The following SHROOM3 variants were observed in gnomAD, a reference collection of about 807,000 sequenced individuals.
The protein encoded by SHROOM3 is protein Shroom3.
In SHROOM3, 47 loss-of-function variants were observed where a neutral mutation model predicts 138.6. The ratio of observed to expected loss-of-function variants is 0.34; its 90% CI spans 0.27 to 0.43. SHROOM3 has a LOEUF of 0.43. Among genes scored for constraint, SHROOM3 ranks in the 20% least tolerant of loss-of-function variants. SHROOM3 has a pLI of 1.00. For synonymous variants in SHROOM3, 1,062 were observed against 1,063.3 expected (o/e 1.00, Z 0.02); for missense variants, 2,491 against 2,596.5 (o/e 0.96, Z 0.88).
intron 2 of SHROOM3, among the ~76,000 whole-genome samples, chr4:76,600,851 A>T (rs1347648211): frequency 6.6e-6 from 1 of 152,206 alleles, no homozygotes; most frequent in Admixed American, 6.5e-5. Context: ...TTAATATTGT[A>T]AAAATACCTG....
chr4:76,689,180 T>C (rs1719423081), intron 2 of SHROOM3, among the ~76,000 whole-genome samples: 1 of 151,976 alleles, frequency 6.6e-6, no homozygotes, highest in Admixed American at 6.6e-5. Context: ...TTCGGTCCGG[T>C]CCCCTTAATA....
intron 2 of SHROOM3, among the ~76,000 whole-genome samples, chr4:76,684,274 T>C (rs574677765): frequency 8.5e-5 from 13 of 152,120 alleles, no homozygotes; most frequent in East Asian, 7.7e-4. Context: ...TGAGTGACTG[T>C]TATTTAACCA....
intron 2 of SHROOM3, among the ~76,000 whole-genome samples, chr4:76,588,799 T>C (rs1734202576): frequency 6.6e-6 from 1 of 151,958 alleles, no homozygotes; most frequent in South Asian, 2.1e-4. Flanking sequence ...CACCCCTCCA[T>C]AGATGACTTC....
intron 2 of SHROOM3, among the ~76,000 whole-genome samples, chr4:76,676,614 T>C (rs1344018275): frequency 6.6e-6 from 1 of 152,020 alleles, no homozygotes; most frequent in Non-Finnish European, 1.5e-5. Flanking sequence ...TAGCAGAGAT[T>C]GGCGTTAAGG....
intron 2 of SHROOM3, among the ~76,000 whole-genome samples, chr4:76,675,318 T>A (rs190409350): frequency 2.0e-5 from 3 of 152,208 alleles, no homozygotes; most frequent in African/African-American, 7.2e-5. Flanking sequence ...ACTACCATAC[T>A]GACAGAAGCA....
intron 4 of SHROOM3, among the ~76,000 whole-genome samples, chr4:76,738,211 C>G (rs757681413): frequency 6.6e-6 from 1 of 152,190 alleles, no homozygotes; most frequent in Non-Finnish European, 1.5e-5. Flanking sequence ...CCACCACAAA[C>G]AAATTGTTTC....
At chr4:76,609,646 C>T (rs192132835) in intron 2 of SHROOM3, among the ~76,000 whole-genome samples, 48 of 152,268 alleles carry the variant, frequency 3.2e-4, no homozygotes, top group African/African-American at 1.0e-3. Context: ...AAACAAATTA[C>T]GTTGTAAACT....
rs1730559371 is a variant in SHROOM3 at position 76,436,140 on chromosome 4, G to A, written c.88G>A (p.Ala30Thr). 8 of 1,614,004 alleles carry A rather than the reference G, an allele frequency of 5.0e-6. No individual in the cohort carries two copies. Among genetic ancestry groups the A allele is most frequent in the Non-Finnish European group, 5.9e-6 (7 of 1,179,918 alleles). ...CAAGGGAAGGTACATTTATCTGGAGGCATTCCTGGAGGGAGGAGCTCCCTG... is the reference window on the plus strand; with the variant it reads ...CAAGGGAAGGTACATTTATCTGGAGACATTCCTGGAGGGAGGAGCTCCCTG... ...ATKGRYIYLE[A>T]FLEGGAPWGF... The change falls in exon 1 of 11, where the codon GCA (alanine) becomes ACA (threonine). Residue 30 changes from alanine to threonine, a missense_variant. Ala to Thr is a moderately conservative substitution (Grantham distance 58, BLOSUM62 0). Around this residue, in one of 4 missense-constraint regions of SHROOM3, gnomAD observed 284 missense variants for 322.8 expected, o/e 0.88. Coordinates refer to ENST00000296043, the MANE Select transcript of SHROOM3 (RefSeq NM_020859.4).
intron 1 of SHROOM3, among the ~76,000 whole-genome samples, chr4:76,514,422 A>G (rs1579205429): frequency 1.4e-5 from 2 of 142,042 alleles, no homozygotes; most frequent in Admixed American, 1.4e-4. Context: ...TTCCACTCAT[A>G]TGAAATGCCC....
chr4:76,499,783 T>A (rs1732052059), intron 1 of SHROOM3, among the ~76,000 whole-genome samples: 6 of 152,128 alleles, frequency 3.9e-5, no homozygotes, highest in Admixed American at 3.9e-4. Flanking sequence ...TAGAAGGGTC[T>A]AGAAAAACAG....
chr4:76,625,235 G>C (rs1735107143), intron 2 of SHROOM3, among the ~76,000 whole-genome samples: 1 of 152,146 alleles, frequency 6.6e-6, no homozygotes, highest in Admixed American at 6.5e-5. Flanking sequence ...AGGTGCTATT[G>C]AACATAGTTT....
At chr4:76,660,047 G>A (rs1736149978) in intron 2 of SHROOM3, among the ~76,000 whole-genome samples, 1 of 152,124 alleles carries the variant, frequency 6.6e-6, no homozygotes, top group African/African-American at 2.4e-5. Context: ...AGACTCGAGA[G>A]TGTGAAGCTC....
At chr4:76,709,502 A>AT (rs1330167161) in intron 2 of SHROOM3, among the ~76,000 whole-genome samples, 1 of 148,612 alleles carries the variant, frequency 6.7e-6, no homozygotes, top group Admixed American at 6.7e-5. Context: ...AGGGCTTAAA[A>AT]TTTTTCTCTG....
At chr4:76,543,921 C>G (rs10027450) in intron 1 of SHROOM3, among the ~76,000 whole-genome samples, 7 of 152,072 alleles carry the variant, frequency 4.6e-5, no homozygotes, top group South Asian at 4.2e-4. Flanking sequence ...AACCAAACAC[C>G]AAGCAATTTA....
intron 1 of SHROOM3, among the ~76,000 whole-genome samples, chr4:76,517,469 C>A (rs969678873): frequency 6.6e-6 from 1 of 152,144 alleles, no homozygotes; most frequent in South Asian, 2.1e-4. Flanking sequence ...CTGGTCTGAC[C>A]AGGTAGTTTC....
intron 2 of SHROOM3, among the ~76,000 whole-genome samples, chr4:76,699,467 C>G (rs1053459238): frequency 1.3e-5 from 2 of 152,154 alleles, no homozygotes; most frequent in African/African-American, 4.8e-5. Context: ...AAAATAGTAG[C>G]CCAGAACATG....
intron 5 of SHROOM3, among the ~76,000 whole-genome samples, chr4:76,746,493 T>TA (rs1477088532): frequency 6.6e-6 from 1 of 152,182 alleles, no homozygotes; most frequent in Non-Finnish European, 1.5e-5. Flanking sequence ...CCTAGGGATG[T>TA]AGTAGTCTAT....
intron 2 of SHROOM3, among the ~76,000 whole-genome samples, chr4:76,642,452 G>A (rs1037360093): frequency 1.3e-5 from 2 of 152,170 alleles, no homozygotes; most frequent in Non-Finnish European, 2.9e-5. Flanking sequence ...TATGCAGTAT[G>A]ACGCCACTGG....
chr4:76,488,498 G>A (rs1731784483), intron 1 of SHROOM3, among the ~76,000 whole-genome samples: 1 of 152,184 alleles, frequency 6.6e-6, no homozygotes, highest in Admixed American at 6.5e-5. Flanking sequence ...AATAAAATAT[G>A]GACTTCTCTT....
Sources: allele counts gnomAD v4.1 joint callset (sites outside exome capture counted in the v4.1 genomes callset), GRCh38; gene constraint gnomAD v4.1.1; regional missense constraint gnomAD v4.1.1; transcripts MANE v1.5; gene names NCBI Gene and HGNC (gene_info 2026-07-23, HGNC 2026-07-21).